Variants in IQGAP1 observed in about 807,000 individuals in gnomAD.
IQGAP1 encodes ras GTPase-activating-like protein IQGAP1.
Under a neutral mutation model 215.6 loss-of-function variants are expected in IQGAP1, and 66 were observed. The ratio of observed to expected loss-of-function variants is 0.31; its 90% confidence interval spans 0.25 to 0.38. The LOEUF (loss-of-function observed/expected upper bound fraction) is 0.38. IQGAP1 is among the 10% of genes least tolerant of loss of function. IQGAP1 has a pLI of 1.00. For synonymous variants in IQGAP1, 772 were observed against 728.7 expected (o/e 1.06, Z -0.96); for missense variants, 1,712 against 1,997.1 (o/e 0.86, Z 2.72).
intron 5 of IQGAP1, among the ~76,000 whole-genome samples, chr15:90,435,051 A>G (rs868564286): frequency 1.4e-4 from 21 of 152,182 alleles, no homozygotes; most frequent in Admixed American, 9.2e-4. Flanking sequence ...TAAGAAGACT[A>G]TTGTCTCCAG....
rs1320855461 is a variant in IQGAP1 at position 90,388,340 on chromosome 15, C to T, written c.-2C>T. On this transcript the variant is annotated 5_prime_UTR_variant, in exon 1 of 38. Coordinates refer to ENST00000268182, the MANE Select transcript of IQGAP1 (RefSeq NM_003870.4). ...CTCAGCAGAGACTCGGGCTCGTCCG[C>T]CATGTCCGCCGCAGACGAGGTTGAC... 3 of 1,596,144 alleles carry T rather than the reference C, an allele frequency of 1.9e-6. No homozygotes were observed. Among genetic ancestry groups the T allele is most frequent in the Admixed American group, 3.4e-5 (2 of 59,292 alleles).
chr15:90,446,877 C>CT (rs1441454123), intron 9 of IQGAP1, among the ~76,000 whole-genome samples: 1 of 152,088 alleles, frequency 6.6e-6, no homozygotes, highest in Non-Finnish European at 1.5e-5. Flanking sequence ...ATGTTCCACA[C>CT]TTTATTATGT....
chr15:90,400,552 G>A (rs1964790627), intron 2 of IQGAP1, among the ~76,000 whole-genome samples: 1 of 152,104 alleles, frequency 6.6e-6, no homozygotes, highest in South Asian at 2.1e-4. Flanking sequence ...TTTATAATCC[G>A]TAGGTGTTGA....
intron 8 of IQGAP1, among the ~76,000 whole-genome samples, chr15:90,442,470 A>G (rs1567127549): frequency 6.6e-6 from 1 of 152,136 alleles, no homozygotes; most frequent in Non-Finnish European, 1.5e-5. Context: ...AACTTCACAC[A>G]AATTTATCCA....
At chr15:90,440,802 T>G (rs567357064) in intron 7 of IQGAP1, among the ~76,000 whole-genome samples, 187 bp downstream of exon 7, 1 of 152,306 alleles carries the variant, frequency 6.6e-6, no homozygotes, top group African/African-American at 2.4e-5. Context: ...CTGATTAAAG[T>G]GAAAGCATTT....
At chr15:90,490,779 A>G (rs1966191825) in intron 33 of IQGAP1, among the ~76,000 whole-genome samples, 1 of 151,970 alleles carries the variant, frequency 6.6e-6, no homozygotes, top group Non-Finnish European at 1.5e-5. Context: ...AGCCCTAAGC[A>G]CCTAAGCAGT....
At chr15:90,419,521 T>C (rs947911084) in intron 2 of IQGAP1, among the ~76,000 whole-genome samples, 2 of 152,202 alleles carry the variant, frequency 1.3e-5, no homozygotes, top group East Asian at 3.8e-4. Context: ...ATATTGAATA[T>C]TTATATTTAA....
chr15:90,428,978 G>T (rs982229079), intron 3 of IQGAP1, among the ~76,000 whole-genome samples: 1 of 151,908 alleles, frequency 6.6e-6, no homozygotes, highest in Non-Finnish European at 1.5e-5. Context: ...TCAGCCTCCC[G>T]AGTAGCTGGG....
chr15:90,404,281 A>G (rs1442169057), intron 2 of IQGAP1, among the ~76,000 whole-genome samples: 4 of 152,238 alleles, frequency 2.6e-5, no homozygotes, highest in Non-Finnish European at 5.9e-5. Context: ...TAATGTACAT[A>G]TAAGAAGGCT....
chr15:90,404,887 C>T (rs1279618149), intron 2 of IQGAP1, among the ~76,000 whole-genome samples: 2 of 152,100 alleles, frequency 1.3e-5, no homozygotes, highest in African/African-American at 4.8e-5. Flanking sequence ...GGCCATTGTC[C>T]TTTAAATTTT....
intron 6 of IQGAP1, 44 bp from the exon 7 acceptor site, chr15:90,440,458 A>G (rs1263618077): frequency 3.0e-6 from 4 of 1,324,714 alleles, no homozygotes; most frequent in Non-Finnish European, 4.2e-6. Context: ...TGGTTATGGA[A>G]GGGTGCTTAG....
intron 29 of IQGAP1, 119 bp downstream of exon 29, chr15:90,483,712 G>A (rs1306234164): frequency 1.4e-6 from 1 of 690,864 alleles, no homozygotes; most frequent in Non-Finnish European, 2.4e-6. Flanking sequence ...TAGAAGACGT[G>A]TTTGATGTGC....
At chr15:90,425,032 G>C (rs8041764) in intron 2 of IQGAP1, among the ~76,000 whole-genome samples, 1 of 151,708 alleles carries the variant, frequency 6.6e-6, no homozygotes, top group Admixed American at 6.6e-5. Context: ...GCCATGGTCC[G>C]GGTCCAGTGG....
intron 15 of IQGAP1, among the ~76,000 whole-genome samples, chr15:90,462,224 T>C (rs1206248543): frequency 1.3e-5 from 2 of 152,228 alleles, no homozygotes; most frequent in South Asian, 2.1e-4. Context: ...TATGCACTTA[T>C]GCACACATGC....
At chr15:90,426,845 C>G (rs1338305780) in intron 3 of IQGAP1, among the ~76,000 whole-genome samples, 5 of 150,292 alleles carry the variant, frequency 3.3e-5, no homozygotes, top group African/African-American at 1.2e-4. Flanking sequence ...CCCAGCTACT[C>G]AGGAGGCTGA....
rs1209033733 is a variant in IQGAP1 at position 90,483,564 on chromosome 15, A to G, written c.3759A>G (p.Glu1253=). The G allele has an allele frequency of 6.8e-6, 11 of 1,613,168 alleles. No individual in the cohort carries two copies. The highest frequency in any genetic ancestry group is 5.5e-5 in the South Asian group (5 of 91,066). Residue 1253 remains glutamate, a synonymous_variant, in exon 29 of 38, where the codon GAA becomes GAG. Coordinates refer to ENST00000268182, the MANE Select transcript of IQGAP1 (RefSeq NM_003870.4). ...GDNAHLSIIN[E]YLSQSYQKFR... is the part of the protein sequence containing the mutation. ...ATGCCCACTTAAGCATCATTAATGA[A>G]TATCTTTCCCAGTCCTACCAGAAAT...
Position 90,422,646 on chromosome 15 carries a change from GTATATATATATATGTATATA to G in IQGAP1, c.156-3450_156-3431del, listed in dbSNP as rs1567120947. Reference sequence around the variant, plus strand: ...TATATGTATATATATATATGTATATGTATATATATATATGTATATATATATATATATATAATTTTTGAGAC... The same window carrying G: ...TATATGTATATATATATATGTATATGTATATATATATATAATTTTTGAGAC... On this transcript the variant is annotated intron_variant, in intron 2 of 37. Coordinates refer to ENST00000268182, the MANE Select transcript of IQGAP1 (RefSeq NM_003870.4). Among the ~76,000 whole-genome samples the G allele has an allele frequency of 6.6e-5, 4 of 60,242 alleles. 1 individual carries two copies. The highest frequency in any genetic ancestry group is 1.5e-4 in the African/African-American group (2 of 13,584). 39.5% of individuals were successfully genotyped at this position (60,242 alleles called of 152,430 possible).
At chr15:90,410,729 A>G (rs1368170376) in intron 2 of IQGAP1, among the ~76,000 whole-genome samples, 1 of 151,758 alleles carries the variant, frequency 6.6e-6, no homozygotes, top group Non-Finnish European at 1.5e-5. Context: ...GCATTAGGAG[A>G]TATACCTAAT....
At chr15:90,498,739 G>A (rs1333026026) in intron 37 of IQGAP1, among the ~76,000 whole-genome samples, 1 of 151,840 alleles carries the variant, frequency 6.6e-6, no homozygotes, top group East Asian at 1.9e-4. Context: ...CCTCCACCTC[G>A]TGGGTTCAAG....
Sources: gnomAD v4.1 joint callset for allele counts (sites outside exome capture counted in the v4.1 genomes callset) on GRCh38, gnomAD v4.1.1 for gene constraint, MANE v1.5 for transcripts, NCBI Gene and HGNC (gene_info 2026-07-23, HGNC 2026-07-21) for gene names.